Variants in NNT observed in about 807,000 individuals in gnomAD.
NNT encodes nicotinamide nucleotide transhydrogenase, also known as NAD(P) transhydrogenase, mitochondrial.
In NNT, 50 loss-of-function variants were observed where a neutral mutation model predicts 104.8. The observed-to-expected ratio is 0.48, with a 90% CI of 0.38 to 0.60. The LOEUF is 0.60. Ranked by LOEUF, NNT falls within the 20% of genes least tolerant of loss-of-function variation. The probability of loss-of-function intolerance (pLI) is 0.00; values close to 1 mark genes in which losing one functional copy is unlikely to be tolerated. For missense variants in NNT, 1,131 were observed against 1,330.7 expected (o/e 0.85, Z 2.33); for synonymous variants, 461 against 490.4 (o/e 0.94, Z 0.79).
Position 43,659,354 on chromosome 5 carries a change from A to G in NNT, c.2634+4A>G. 6.2e-7 allele frequency: 1 copy of G among 1,604,036 alleles called. No homozygotes were observed. Among genetic ancestry groups the G allele is most frequent in the Non-Finnish European group, 8.5e-7 (1 of 1,175,552 alleles). The stretch of plus-strand genomic sequence containing the variant: ...CCTGTCATACATCATGTGTGTGGTA[A>G]GAAACAACACATACATGAAACAAAA... On this transcript the variant is annotated splice_donor_region_variant and intron_variant, in intron 17 of 21. Coordinates refer to ENST00000344920, the MANE Select transcript of NNT (RefSeq NM_182977.3).
At chr5:43,689,531 A>G (rs1318596236) in intron 19 of NNT, among the ~76,000 whole-genome samples, 2 of 152,190 alleles carry the variant, frequency 1.3e-5, no homozygotes, top group Admixed American at 6.5e-5. Context: ...TTCAGGTCTT[A>G]GATTTAAGTC....
At chr5:43,654,008 A>G (rs113992221) in intron 14 of NNT, among the ~76,000 whole-genome samples, 126 of 152,246 alleles carry the variant, frequency 8.3e-4, no homozygotes, top group African/African-American at 2.8e-3. Flanking sequence ...ATTGTTAAAC[A>G]CAGCCATTAT....
At chr5:43,655,671 A>G (rs560087029) in intron 14 of NNT, among the ~76,000 whole-genome samples, 169 bp from the exon 15 acceptor site, 16 of 152,340 alleles carry the variant, frequency 1.1e-4, no homozygotes, top group African/African-American at 2.6e-4. Context: ...CCTGTATACA[A>G]CTAGTGCCCT....
At chr5:43,648,067 A>G (rs1260191173) in intron 10 of NNT, 1 of 1,244,028 alleles carries the variant, frequency 8.0e-7, no homozygotes, top group Non-Finnish European at 1.0e-6. Context: ...ATTCTTATTC[A>G]CAACCCTATG....
chr5:43,616,609 G>T (rs1358518917), intron 4 of NNT, among the ~76,000 whole-genome samples: 1 of 152,202 alleles, frequency 6.6e-6, no homozygotes, highest in Non-Finnish European at 1.5e-5. Flanking sequence ...CGACCTTTAA[G>T]GTCAAGATGG....
At position 43,706,974 on chromosome 5, in the gene NNT, G is replaced by A. The variant is rs1434913377; in HGVS notation, c.*2570G>A. 6.6e-6 allele frequency: 1 copy of A among 152,304 alleles called. No individual in the cohort carries two copies. The highest frequency in any genetic ancestry group is 2.4e-5 in the African/African-American group (1 of 41,452). The allele number at this position is 152,304 out of a possible 1,614,324, so 9.4% of individuals were successfully genotyped here. On this transcript the variant is annotated 3_prime_UTR_variant, in exon 22 of 22. Transcript: ENST00000344920. ...ACCACACACCAGGGCCTGTCATGGGGTGGGGGGAGTGGGGAGGGATAGCAT... is the reference window on the plus strand; with the variant it reads ...ACCACACACCAGGGCCTGTCATGGGATGGGGGGAGTGGGGAGGGATAGCAT...
rs189786205 is a variant in NNT, at chr5:43,624,199, T to C, written c.776+79T>C. On this transcript the variant is annotated intron_variant, in intron 6 of 21. Transcript: ENST00000344920. ...CATATTATGATTGCCTTAAAACTTG[T>C]AAATTGAAGTAGCACATTGCAACTG... is the stretch of plus-strand genomic sequence containing the variant. 1.6e-5 allele frequency: 19 copies of C among 1,214,984 alleles called. No homozygotes were observed. The East Asian group carries it at 4.4e-4, about 28-fold the overall frequency. 75.3% of individuals were successfully genotyped at this position (1,214,984 alleles called of 1,614,324 possible). A position where few individuals can be genotyped will look rare whatever the true frequency, so the allele number is the denominator to read the frequency against.
rs148191264 is a variant in NNT at position 43,697,530 on chromosome 5, T to C, written c.2877-2589T>C. Among the ~76,000 whole-genome samples, 584 of 152,328 alleles carry C rather than the reference T, an allele frequency of 3.8e-3. 2 individuals are homozygous for C. Among genetic ancestry groups the C allele is most frequent in the Middle Eastern group, 6.8e-3 (2 of 294 alleles). ...GTTGTTTCCACATTTTTGAGTATCT[T>C]TTCAGCAGCACCTTACACCCAGTAC... On this transcript the variant is annotated intron_variant, in intron 19 of 21. Coordinates refer to ENST00000344920, the MANE Select transcript of NNT (RefSeq NM_182977.3).
chr5:43,701,035 A>G (rs551794894), intron 20 of NNT, among the ~76,000 whole-genome samples: 4 of 152,354 alleles, frequency 2.6e-5, no homozygotes, highest in Non-Finnish European at 5.9e-5. Context: ...ACCCAGTTCC[A>G]GGAATTATGG....
intron 19 of NNT, among the ~76,000 whole-genome samples, chr5:43,685,493 T>TA (rs1369562167): frequency 7.9e-5 from 12 of 152,130 alleles, no homozygotes; most frequent in Middle Eastern, 3.4e-3. Context: ...TTATTTTTTT[T>TA]AAAAAAATCT....
At chr5:43,612,845 T>C in intron 2 of NNT, 63 bp from the exon 3 acceptor site, 2 of 1,240,882 alleles carry the variant, frequency 1.6e-6, no homozygotes, top group South Asian at 1.3e-5. Context: ...AAATCTGTTT[T>C]TAAACATTTT....
chr5:43,643,033 T>C (rs955956075), intron 7 of NNT, among the ~76,000 whole-genome samples: 2 of 152,214 alleles, frequency 1.3e-5, no homozygotes, highest in African/African-American at 4.8e-5. Context: ...CAAGTGATCC[T>C]CCTTTCTCAG....
At chr5:43,612,696 A>T (rs1306780191) in intron 2 of NNT, among the ~76,000 whole-genome samples, 1 of 152,184 alleles carries the variant, frequency 6.6e-6, no homozygotes, top group Non-Finnish European at 1.5e-5. Flanking sequence ...TAGAAGTTTC[A>T]GAAGAGTAGG....
chr5:43,704,764 C>G lies in NNT; in HGVS notation c.*360C>G, dbSNP rs935663440. On this transcript the variant is annotated 3_prime_UTR_variant, in exon 22 of 22. Coordinates refer to ENST00000344920, the MANE Select transcript of NNT (RefSeq NM_182977.3). ...AAACTAAGTGTTTAGGATTTCAAGACAACATTATACATGGCTCTGAAATAT... is the reference window on the plus strand; with the variant it reads ...AAACTAAGTGTTTAGGATTTCAAGAGAACATTATACATGGCTCTGAAATAT... 1 of 190,898 alleles carries G rather than the reference C, an allele frequency of 5.2e-6. No individual in the cohort carries two copies. The highest frequency in any genetic ancestry group is 1.1e-5 in the Non-Finnish European group (1 of 92,138). 11.8% of individuals were successfully genotyped at this position (190,898 alleles called of 1,614,324 possible). A position where few individuals can be genotyped will look rare whatever the true frequency, so the allele number is the denominator to read the frequency against.
At position 43,639,695 on chromosome 5, in the gene NNT, C is replaced by A. The variant is rs182903466; in HGVS notation, c.965-4497C>A. Among the ~76,000 whole-genome samples, 51 of 152,162 alleles carry A rather than the reference C, an allele frequency of 3.4e-4. No homozygotes were observed. The East Asian group carries it at 8.7e-3, about 26-fold the overall frequency. On this transcript the variant is annotated intron_variant, in intron 7 of 21. Transcript: ENST00000344920. ...AATATTTGAATGATGACTGTGAGAG[C>A]TTGATGTCCTACAGTTTTCTTGGCA...
intron 7 of NNT, among the ~76,000 whole-genome samples, chr5:43,641,613 A>C (rs2111803511): frequency 6.6e-6 from 1 of 152,264 alleles, no homozygotes; most frequent in African/African-American, 2.4e-5. Flanking sequence ...ATTCATGTAT[A>C]TAAATATATA....
intron 18 of NNT, among the ~76,000 whole-genome samples, chr5:43,676,289 G>T (rs527548149): frequency 2.0e-5 from 3 of 152,010 alleles, no homozygotes; most frequent in African/African-American, 4.8e-5. Context: ...AGGATGCTGT[G>T]GTATTATGAG....
At chr5:43,647,113 A>G (rs1029864800) in intron 10 of NNT, among the ~76,000 whole-genome samples, 4 of 152,232 alleles carry the variant, frequency 2.6e-5, no homozygotes, top group Admixed American at 2.6e-4. Context: ...TAGAGTCATC[A>G]TTCTCCAAAT....
At chr5:43,682,329 G>GCCT (rs1006921051) in intron 19 of NNT, among the ~76,000 whole-genome samples, 2 of 149,670 alleles carry the variant, frequency 1.3e-5, no homozygotes, top group African/African-American at 4.9e-5. Context: ...TCCCACCTCA[G>GCCT]CCTCCCAAGT....
Sources: allele counts gnomAD v4.1 joint callset (sites outside exome capture counted in the v4.1 genomes callset), GRCh38; gene constraint gnomAD v4.1.1; transcripts MANE v1.5; gene names NCBI Gene and HGNC (gene_info 2026-07-23, HGNC 2026-07-21).